NEBL: variants seen among roughly 807,000 people sequenced by gnomAD.
NEBL encodes nebulette, also known as LIM and SH3 protein 2.
NEBL carries 122 observed loss-of-function variants against 140.2 expected under a neutral mutation model. The ratio of observed to expected loss-of-function variants is 0.87; its 90% CI spans 0.75 to 1.01. The LOEUF (loss-of-function observed/expected upper bound fraction) is 1.01. NEBL is among the 50% of genes least tolerant of loss of function. NEBL has a pLI of 0.00. For missense variants in NEBL, 1,365 were observed against 1,231.3 expected (o/e 1.11, Z -1.62); for synonymous variants, 436 against 398.9 (o/e 1.09, Z -1.11).
intron 4 of NEBL, among the ~76,000 whole-genome samples, chr10:20,939,924 G>C (rs1834753476): frequency 6.6e-6 from 1 of 152,076 alleles, no homozygotes; most frequent in Admixed American, 6.6e-5. Context: ...GGAGCACCCA[G>C]ATTCATAAAG....
At chr10:21,259,636 T>C (rs1007168128) in intron 1 of NEBL, among the ~76,000 whole-genome samples, 1 of 152,108 alleles carries the variant, frequency 6.6e-6, no homozygotes, top group African/African-American at 2.4e-5. Context: ...GGAACACCAG[T>C]CTTCCTGGTG....
intron 2 of NEBL, among the ~76,000 whole-genome samples, chr10:21,053,075 T>C (rs990943872): frequency 6.6e-5 from 10 of 152,230 alleles, no homozygotes; most frequent in African/African-American, 2.4e-4. Flanking sequence ...TTGATCACTA[T>C]ACATTGTATG....
At chr10:21,006,609 CTTCTGCA>C (rs1838149245) in intron 3 of NEBL, among the ~76,000 whole-genome samples, 1 of 152,208 alleles carries the variant, frequency 6.6e-6, no homozygotes, top group African/African-American at 2.4e-5. Flanking sequence ...ATACCCTGAA[CTTCTGCA>C]TTTATATTCT....
chr10:21,054,538 C>G (rs1018909826), intron 2 of NEBL, among the ~76,000 whole-genome samples: 21 of 152,086 alleles, frequency 1.4e-4, no homozygotes, highest in Admixed American at 1.2e-3. Flanking sequence ...CAAGAACAAG[C>G]TTTTTCTGTT....
chr10:20,928,648 G>A (rs1385466901), intron 4 of NEBL, among the ~76,000 whole-genome samples: 1 of 152,160 alleles, frequency 6.6e-6, no homozygotes, highest in Non-Finnish European at 1.5e-5. Context: ...CCAATGGAAG[G>A]AAATATTCCT....
intron 4 of NEBL, among the ~76,000 whole-genome samples, chr10:20,903,704 C>A (rs1239267673): frequency 1.3e-5 from 2 of 151,826 alleles, no homozygotes; most frequent in African/African-American, 4.9e-5. Context: ...AACAAAATAA[C>A]GTATTTTGTA....
intron 2 of NEBL, among the ~76,000 whole-genome samples, chr10:21,128,804 G>GA (rs1487021568): frequency 6.6e-6 from 1 of 151,970 alleles, no homozygotes; most frequent in Admixed American, 6.6e-5. Context: ...ATATAACATT[G>GA]AAAAAAACCA....
At chr10:21,179,586 G>A (rs1265959014), upstream of NEBL, among the ~76,000 whole-genome samples, 1 of 152,108 alleles carries the variant, frequency 6.6e-6, no homozygotes, top group African/African-American at 2.4e-5. Flanking sequence ...GGTGCTCTGC[G>A]ATCATTAAAG....
chr10:21,128,812 C>A (rs73607600), intron 2 of NEBL, among the ~76,000 whole-genome samples: 3,791 of 152,062 alleles, frequency 0.025, 79 homozygotes, highest in African/African-American at 0.045. Context: ...TTGAAAAAAA[C>A]CAGAAAAGAT....
intron 21 of NEBL, among the ~76,000 whole-genome samples, chr10:20,816,840 T>A (rs1440665489): frequency 6.6e-6 from 1 of 152,126 alleles, no homozygotes; most frequent in Non-Finnish European, 1.5e-5. Flanking sequence ...CTGTCCAATA[T>A]AACCTATTCA....
At chr10:21,251,409 A>G (rs1393566504) in intron 2 of NEBL, among the ~76,000 whole-genome samples, 2 of 152,166 alleles carry the variant, frequency 1.3e-5, no homozygotes, top group Non-Finnish European at 2.9e-5. Flanking sequence ...CAGTTAGGTC[A>G]ATCTCTTTCA....
intron 2 of NEBL, among the ~76,000 whole-genome samples, chr10:21,144,473 C>T (rs763823527): frequency 6.6e-6 from 1 of 152,220 alleles, no homozygotes; most frequent in Non-Finnish European, 1.5e-5. Flanking sequence ...CGCCTGTAAT[C>T]CCAGCACTTT....
chr10:21,233,109 C>T (rs1842287106), intron 3 of NEBL, among the ~76,000 whole-genome samples: 1 of 152,150 alleles, frequency 6.6e-6, no homozygotes, highest in South Asian at 2.1e-4. Flanking sequence ...GTTACCAAGG[C>T]TGGAGTACAA....
At chr10:21,268,876 AT>A (rs1842829152) in intron 1 of NEBL, among the ~76,000 whole-genome samples, 4 of 152,320 alleles carry the variant, frequency 2.6e-5, no homozygotes, top group African/African-American at 9.6e-5. Context: ...GATAGGGTGG[AT>A]TACAATTGGC....
At chr10:21,109,189 T>C (rs547855669) in intron 2 of NEBL, among the ~76,000 whole-genome samples, 1 of 152,320 alleles carries the variant, frequency 6.6e-6, no homozygotes, top group East Asian at 1.9e-4. Context: ...ACCTAGTTTA[T>C]TGAGAGTTTT....
At chr10:20,974,895 T>C (rs1836726906) in intron 3 of NEBL, among the ~76,000 whole-genome samples, 1 of 152,172 alleles carries the variant, frequency 6.6e-6, no homozygotes, top group Non-Finnish European at 1.5e-5. Flanking sequence ...AATCCCAAAC[T>C]TTGTTAACAT....
chr10:21,023,822 G>T (rs79301401), intron 2 of NEBL, among the ~76,000 whole-genome samples: 2,422 of 152,204 alleles, frequency 0.016, 64 homozygotes, highest in African/African-American at 0.055. Context: ...TTCACTATGT[G>T]TGCACAAATT....
intron 3 of NEBL, among the ~76,000 whole-genome samples, chr10:21,225,602 A>G (rs1050235382): frequency 3.3e-5 from 5 of 152,026 alleles, no homozygotes; most frequent in African/African-American, 1.2e-4. Flanking sequence ...GCCACTAGAC[A>G]AAGTTCTTCC....
At chr10:20,869,008 C>G (rs1844635251) in intron 6 of NEBL, among the ~76,000 whole-genome samples, 1 of 152,122 alleles carries the variant, frequency 6.6e-6, no homozygotes, top group South Asian at 2.1e-4. Context: ...CAGTCATCAT[C>G]ATGTTTGTAA....
Sources: allele counts gnomAD v4.1 joint callset (sites outside exome capture counted in the v4.1 genomes callset), GRCh38; gene constraint gnomAD v4.1.1; transcripts MANE v1.5; gene names NCBI Gene and HGNC (gene_info 2026-07-23, HGNC 2026-07-21).